Variants in PCSK6 observed in about 807,000 individuals in gnomAD.
PCSK6 encodes proprotein convertase subtilisin/kexin type 6.
A neutral mutation model predicts 123.3 loss-of-function variants in PCSK6; 85 were observed. The ratio of observed to expected loss-of-function variants is 0.69; its 90% CI spans 0.58 to 0.83. The LOEUF is 0.83. PCSK6 is among the 40% of genes least tolerant of loss of function. The pLI is 0.00. For synonymous variants in PCSK6, 508 were observed against 516.0 expected, an observed-to-expected ratio of 0.98 and a Z score of 0.21; for missense variants, 1,191 against 1,282.3, an observed-to-expected ratio of 0.93 and a Z score of 1.09.
chr15:101,318,365 C>T lies in PCSK6; in HGVS notation c.2523G>A (p.Glu841=), dbSNP rs1175722452. ...GATGGCATTCCCCACATCTGATCAG[C>T]TCTGAGTCAAAGTAGGTGCCTGGCT... ...DCEPGTYFDS[E]LIRCGECHHT... The change falls in exon 19 of 22, where the codon GAG becomes GAA. Residue 841 remains glutamate, a synonymous_variant. Coordinates refer to ENST00000611716, the MANE Select transcript of PCSK6 (RefSeq NM_002570.5). 9 of 1,566,666 alleles carry T rather than the reference C, an allele frequency of 5.7e-6. No individual in the cohort carries two copies. Among genetic ancestry groups the T allele is most frequent in the African/African-American group, 1.4e-5 (1 of 73,746 alleles).
At chr15:101,480,144 T>C (rs1249314042) in intron 1 of PCSK6, among the ~76,000 whole-genome samples, 2 of 152,168 alleles carry the variant, frequency 1.3e-5, no homozygotes, top group South Asian at 2.1e-4. Context: ...AGAGCTTCGG[T>C]AGTCTGCTCC....
chr15:101,365,950 T>C, intron 13 of PCSK6: 2 of 350,430 alleles, frequency 5.7e-6, no homozygotes, highest in Non-Finnish European at 1.0e-5. Flanking sequence ...ATGGGGTTTC[T>C]TTTTGTGGGG....
Position 101,320,039 on chromosome 15 carries a change from A to T in PCSK6, c.2466-1617T>A, listed in dbSNP as rs567767053. Among the ~76,000 whole-genome samples the T allele has an allele frequency of 2.7e-4, 41 of 152,032 alleles. No individual in the cohort carries two copies. In the South Asian group the frequency reaches 6.7e-3, roughly 25 times the overall value. On this transcript the variant is annotated intron_variant, in intron 18 of 21. Transcript: ENST00000611716. ...GTCTTGGGCTGAGCCCTCAATTTGT[A>T]GGATCTGACACATCTAGTAGCGTCA...
chr15:101,341,843 C>T (rs576177457), intron 13 of PCSK6, among the ~76,000 whole-genome samples: 18 of 152,056 alleles, frequency 1.2e-4, no homozygotes, highest in Admixed American at 2.6e-4. Flanking sequence ...TAGCTGTTTC[C>T]CTTAATTTAT....
At chr15:101,441,590 A>T (rs1413285159) in intron 2 of PCSK6, among the ~76,000 whole-genome samples, 2 of 152,226 alleles carry the variant, frequency 1.3e-5, no homozygotes, top group Non-Finnish European at 2.9e-5. Flanking sequence ...ACAACAGAGG[A>T]TGTAGTCAAA....
intron 19 of PCSK6, chr15:101,313,759 G>A: frequency 2.3e-6 from 1 of 438,150 alleles, no homozygotes; most frequent in Non-Finnish European, 4.0e-6. Context: ...CCTGCCCACT[G>A]GCCGTGCCAC....
intron 13 of PCSK6, among the ~76,000 whole-genome samples, chr15:101,362,448 GC>G (rs1474190748): frequency 1.2e-4 from 18 of 152,178 alleles, no homozygotes; most frequent in Non-Finnish European, 1.2e-4. Context: ...GTGTCACGGG[GC>G]TGGATGAGAT....
At chr15:101,332,984 C>T (rs2040401813) in intron 13 of PCSK6, among the ~76,000 whole-genome samples, 1 of 152,246 alleles carries the variant, frequency 6.6e-6, no homozygotes, top group Non-Finnish European at 1.5e-5. Flanking sequence ...ATTCAGTACA[C>T]TCCTAGACTT....
chr15:101,439,250 G>C (rs2056691132), intron 2 of PCSK6, among the ~76,000 whole-genome samples: 1 of 152,262 alleles, frequency 6.6e-6, no homozygotes, highest in Non-Finnish European at 1.5e-5. Flanking sequence ...AGACAGACTA[G>C]GGTCAGAGAC....
At chr15:101,414,377 AC>A (rs1461301124) in intron 6 of PCSK6, among the ~76,000 whole-genome samples, 2 of 152,222 alleles carry the variant, frequency 1.3e-5, no homozygotes, top group African/African-American at 4.8e-5. Context: ...GAAAAAAGAA[AC>A]AATGGTGACC....
intron 1 of PCSK6, among the ~76,000 whole-genome samples, chr15:101,469,623 AG>A (rs1421760122): frequency 6.6e-6 from 1 of 152,180 alleles, no homozygotes; most frequent in East Asian, 1.9e-4. Flanking sequence ...AGGACTGAGC[AG>A]GGGTGTCCAC....
intron 4 of PCSK6, 99 bp from the exon 5 acceptor site, chr15:101,430,162 G>A (rs562673522): frequency 9.8e-5 from 83 of 848,354 alleles, no homozygotes; most frequent in Non-Finnish European, 1.3e-4. Flanking sequence ...AACCACACGC[G>A]GGGCTCCTCT....
intron 15 of PCSK6, among the ~76,000 whole-genome samples, chr15:101,329,140 G>A (rs930416355): frequency 6.6e-6 from 1 of 152,134 alleles, no homozygotes; most frequent in Non-Finnish European, 1.5e-5. Flanking sequence ...CCTGGCTAGC[G>A]GCTGATGCCT....
chr15:101,319,823 G>T (rs941103897), intron 18 of PCSK6, among the ~76,000 whole-genome samples: 4 of 152,162 alleles, frequency 2.6e-5, no homozygotes, highest in Admixed American at 6.5e-5. Context: ...CTCACCCTCC[G>T]CATCTCTTCA....
intron 13 of PCSK6, among the ~76,000 whole-genome samples, chr15:101,358,368 C>G (rs2041108254): frequency 6.6e-6 from 1 of 152,250 alleles, no homozygotes; most frequent in African/African-American, 2.4e-5. Flanking sequence ...CCCTTCCTCA[C>G]AAGCCCTTCC....
At chr15:101,341,039 G>A (rs1458584361) in intron 13 of PCSK6, among the ~76,000 whole-genome samples, 1 of 150,284 alleles carries the variant, frequency 6.7e-6, no homozygotes, top group African/African-American at 2.5e-5. Flanking sequence ...AGGATCAAGC[G>A]ATTCTCCTGC....
chr15:101,454,456 A>T (rs1330063941), intron 1 of PCSK6, among the ~76,000 whole-genome samples: 1 of 152,172 alleles, frequency 6.6e-6, no homozygotes, highest in East Asian at 1.9e-4. Flanking sequence ...AAAGGGAGGA[A>T]ACTCTGATGC....
At chr15:101,365,663 C>T (rs2041365862) in intron 13 of PCSK6, 1 of 153,004 alleles carries the variant, frequency 6.5e-6, no homozygotes, top group Non-Finnish European at 1.5e-5. Flanking sequence ...ACCCAAATGT[C>T]CATCACAGGT....
intron 13 of PCSK6, chr15:101,365,916 A>C: frequency 4.1e-5 from 10 of 241,316 alleles, no homozygotes; most frequent in East Asian, 2.4e-4. Context: ...GGAGGAGGGA[A>C]TGGGGAGTGG....
Sources: allele counts gnomAD v4.1 joint callset (sites outside exome capture counted in the v4.1 genomes callset), GRCh38; gene constraint gnomAD v4.1.1; transcripts MANE v1.5; gene names NCBI Gene and HGNC (gene_info 2026-07-23, HGNC 2026-07-21).